Variants in CHST12 observed in about 807,000 individuals in gnomAD.
CHST12 encodes carbohydrate (chondroitin 4) sulfotransferase 12.
A neutral mutation model predicts 27.9 loss-of-function variants in CHST12; 23 were observed. The observed-to-expected ratio is 0.82, with a 90% confidence interval of 0.59 to 1.17. The LOEUF (loss-of-function observed/expected upper bound fraction) is 1.17. Among genes scored for constraint, CHST12 ranks in the 50% most tolerant of loss-of-function variants. The pLI, the probability that CHST12 is intolerant of heterozygous loss-of-function variation, is 0.00. For synonymous variants in CHST12, 322 were observed against 273.0 expected (o/e 1.18, Z -1.77); for missense variants, 682 against 603.0 (o/e 1.13, Z -1.37).
intron 1 of CHST12, among the ~76,000 whole-genome samples, chr7:2,412,025 G>C (rs1781680285): frequency 6.6e-6 from 1 of 152,098 alleles, no homozygotes; most frequent in South Asian, 2.1e-4. Flanking sequence ...GAAGAGAACA[G>C]GGTGAGCTGA....
At chr7:2,407,144 G>A (rs1368683207) in intron 1 of CHST12, among the ~76,000 whole-genome samples, 1 of 152,150 alleles carries the variant, frequency 6.6e-6, no homozygotes, top group African/African-American at 2.4e-5. Flanking sequence ...GGTGGCAAAT[G>A]AGAGAAAAAA....
rs369984076 is a variant in CHST12 at position 2,425,672 on chromosome 7, C to G, written c.-77-6891C>G. 2.7e-5 allele frequency among the ~76,000 whole-genome samples: 4 copies of G among 149,222 alleles called. No homozygotes were observed. The South Asian group carries it at 6.3e-4, about 23-fold the overall frequency. On this transcript the variant is annotated intron_variant, in intron 1 of 1. Coordinates refer to ENST00000618655, the MANE Select transcript of CHST12 (RefSeq NM_018641.5). ...CTGCAGATGTGTGTGTGTTCAAATG[C>G]AAAATAGCACTGCATTTGCTTTTTT... is the stretch of plus-strand genomic sequence containing the variant.
In CHST12 at chr7:2,433,346, A is replaced by G. The variant is rs1782357434; in HGVS notation, c.707A>G (p.Lys236Arg). 1.2e-6 allele frequency: 2 copies of G among 1,612,326 alleles called. No individual in the cohort carries two copies. Among genetic ancestry groups the G allele is most frequent in the Non-Finnish European group, 1.7e-6 (2 of 1,179,946 alleles). ...LSRHLMKVKL[K>R]KYTKFLFVRD... ...CGCCACCTCATGAAGGTCAAGCTCAAGAAGTACACCAAGTTCCTCTTCGTG... is the reference window on the plus strand; with the variant it reads ...CGCCACCTCATGAAGGTCAAGCTCAGGAAGTACACCAAGTTCCTCTTCGTG... Residue 236 changes from lysine to arginine, a missense_variant, in exon 2 of 2, where the codon AAG becomes AGG. By Grantham distance (26) the Lys-to-Arg change is conservative. Coordinates refer to ENST00000618655, the MANE Select transcript of CHST12 (RefSeq NM_018641.5). The surrounding 1 kb of genome is among the most constrained non-coding windows in gnomAD (Gnocchi z 6.1).
Position 2,422,306 on chromosome 7 carries a change from G to A in CHST12, c.-77-10257G>A, listed in dbSNP as rs1309531467. ...GTGGCCCAGGCTGGAGTGCAGTGGC[G>A]CCATCTCGGCTCACTGCAACCTCCG... On this transcript the variant is annotated intron_variant, in intron 1 of 1. Coordinates refer to ENST00000618655, the MANE Select transcript of CHST12 (RefSeq NM_018641.5). Among the ~76,000 whole-genome samples, 8 of 151,556 alleles carry A rather than the reference G, an allele frequency of 5.3e-5. No individual in the cohort carries two copies. In the South Asian group the frequency reaches 8.3e-4, roughly 16 times the overall value.
Position 2,403,630 on chromosome 7 carries a change from C to T in CHST12, c.-121C>T. The T allele has an allele frequency of 6.7e-6, 1 of 148,750 alleles. No individual in the cohort carries two copies. Among genetic ancestry groups the T allele is most frequent in the Non-Finnish European group, 1.5e-5 (1 of 67,438 alleles). The allele number at this position is 148,750 out of a possible 1,614,324, so 9.2% of individuals were successfully genotyped here. On this transcript the variant is annotated 5_prime_UTR_variant, in exon 1 of 2. Transcript: ENST00000618655. ...TCCGCTAGTCGCGGGGCGGCGGCGG[C>T]GGCTGCGGGCGCGAGGTGAGGGGCG...
intron 1 of CHST12, among the ~76,000 whole-genome samples, chr7:2,422,631 G>T (rs899544557): frequency 6.6e-6 from 1 of 151,820 alleles, no homozygotes; most frequent in African/African-American, 2.4e-5. Context: ...CGACTCCCGG[G>T]TTCAAGCGAT....
At chr7:2,407,382 A>C (rs1378602710) in intron 1 of CHST12, among the ~76,000 whole-genome samples, 1 of 152,100 alleles carries the variant, frequency 6.6e-6, no homozygotes, top group Non-Finnish European at 1.5e-5. Context: ...CAGGAGTTTG[A>C]GGCTGCAGTG....
intron 1 of CHST12, among the ~76,000 whole-genome samples, chr7:2,418,661 G>A (rs536367088): frequency 6.6e-6 from 1 of 152,330 alleles, no homozygotes; most frequent in East Asian, 1.9e-4. Flanking sequence ...CAGCCCAGCG[G>A]TTCTATCGGA....
chr7:2,408,362 C>CAAAAAAAAAAAAAAAAAAAAAAAAAAA, intron 1 of CHST12, among the ~76,000 whole-genome samples: 1 of 116,690 alleles, frequency 8.6e-6, no homozygotes, highest in Non-Finnish European at 1.7e-5. Context: ...GACTCCGTCT[C>CAAAAAAAAAAAAAAAAAAAAAAAAAAA]AAAAAAAAAA....
At chr7:2,409,099 T>C (rs941439637) in intron 1 of CHST12, among the ~76,000 whole-genome samples, 5 of 152,208 alleles carry the variant, frequency 3.3e-5, no homozygotes, top group African/African-American at 9.6e-5. Context: ...AATTATGGTG[T>C]ACTACAAGGC....
At position 2,446,392 on chromosome 7, in the gene CHST12, C is replaced by T. The variant is rs1261181218; in HGVS notation, c.*12508C>T. ...ACCCAGGCTCTGAGGAAAAACCTCTCCAGCCCAGCGCGTGGCCTGGCATTA... is the reference window on the plus strand; with the variant it reads ...ACCCAGGCTCTGAGGAAAAACCTCTTCAGCCCAGCGCGTGGCCTGGCATTA... On this transcript the variant is annotated 3_prime_UTR_variant, in exon 2 of 2. Coordinates refer to ENST00000618655, the MANE Select transcript of CHST12 (RefSeq NM_018641.5). 6.5e-6 allele frequency: 1 copy of T among 152,918 alleles called. No homozygotes were observed. The highest frequency in any genetic ancestry group is 2.1e-4 in the South Asian group (1 of 4,824). 9.5% of individuals were successfully genotyped at this position (152,918 alleles called of 1,614,324 possible). A position where few individuals can be genotyped will look rare whatever the true frequency, so the allele number is the denominator to read the frequency against.
intron 1 of CHST12, among the ~76,000 whole-genome samples, chr7:2,422,372 G>T (rs1457046385): frequency 6.6e-6 from 1 of 151,622 alleles, no homozygotes; most frequent in Non-Finnish European, 1.5e-5. Context: ...AGCCTCCCGA[G>T]TAGCTGGGAT....
intron 1 of CHST12, among the ~76,000 whole-genome samples, chr7:2,412,097 G>C (rs1012611439): frequency 1.3e-5 from 2 of 152,160 alleles, no homozygotes; most frequent in African/African-American, 4.8e-5. Context: ...GGCTAAGTTT[G>C]GGCTCAGTTT....
At chr7:2,424,715 G>C (rs1782063068) in intron 1 of CHST12, among the ~76,000 whole-genome samples, 1 of 152,182 alleles carries the variant, frequency 6.6e-6, no homozygotes, top group Non-Finnish European at 1.5e-5. Context: ...AAGCTGCAGA[G>C]GTCAAGCCTG....
rs577438892 is a variant in CHST12 at position 2,432,684 on chromosome 7, G to A, written c.45G>A (p.Ser15=). The A allele has an allele frequency of 6.8e-6, 11 of 1,613,310 alleles. No homozygotes were observed. In the East Asian group the frequency reaches 1.3e-4, roughly 20 times the overall value. The change falls in exon 2 of 2, where the codon TCG becomes TCA. Residue 15 remains serine, a synonymous_variant. Transcript: ENST00000618655. Reference sequence around the variant, plus strand: ...TCCGGCTGTGGCTGGTGCTGGGGTCGGTGTTCATGATCCTGCTGATCATCG... The same window carrying A: ...TCCGGCTGTGGCTGGTGCTGGGGTCAGTGTTCATGATCCTGCTGATCATCG... ...RLFRLWLVLG[S]VFMILLIIVY... is the part of the protein sequence containing the mutation.
In CHST12 at chr7:2,443,422, A is replaced by G. The variant is rs1176521018; in HGVS notation, c.*9538A>G. 1 of 152,172 alleles carries G rather than the reference A, an allele frequency of 6.6e-6. No homozygotes were observed. The highest frequency in any genetic ancestry group is 1.5e-5 in the Non-Finnish European group (1 of 68,068). The allele number at this position is 152,172 out of a possible 1,614,324, so 9.4% of individuals were successfully genotyped here. On this transcript the variant is annotated 3_prime_UTR_variant, in exon 2 of 2. Transcript: ENST00000618655. ...GCCTGAAGTGAAACAGTTTCATCCC[A>G]AAAGCATATACCTCTGCCCCATCCA...
chr7:2,421,188 G>A (rs1354502936), intron 1 of CHST12, among the ~76,000 whole-genome samples: 1 of 149,036 alleles, frequency 6.7e-6, no homozygotes, highest in Non-Finnish European at 1.5e-5. Context: ...CTCCTGAGTA[G>A]CTGGGACTGT....
At chr7:2,422,425 G>A (rs1041946406) in intron 1 of CHST12, among the ~76,000 whole-genome samples, 1 of 151,498 alleles carries the variant, frequency 6.6e-6, no homozygotes, top group Non-Finnish European at 1.5e-5. Flanking sequence ...TGTATTTTTA[G>A]TAGAGACAGG....
Position 2,434,289 on chromosome 7 carries a change from CA to C in CHST12, c.*408del, listed in dbSNP as rs1158976782. On this transcript the variant is annotated 3_prime_UTR_variant, in exon 2 of 2. Coordinates refer to ENST00000618655, the MANE Select transcript of CHST12 (RefSeq NM_018641.5). ...TGTCTGTTTTTGGAAGGGTAGCCGA[CA>C]AATCCTTCCAGAGGGAAAGTTCTTT... 10 of 177,134 alleles carry C rather than the reference CA, an allele frequency of 5.6e-5. No homozygotes were observed. Among genetic ancestry groups the C allele is most frequent in the Non-Finnish European group, 1.3e-4 (10 of 74,440 alleles). 11.0% of individuals were successfully genotyped at this position (177,134 alleles called of 1,614,324 possible).
Sources: allele counts gnomAD v4.1 joint callset (sites outside exome capture counted in the v4.1 genomes callset), GRCh38; gene constraint gnomAD v4.1.1; non-coding constraint Gnocchi (gnomAD v3.1); transcripts MANE v1.5; gene names NCBI Gene and HGNC (gene_info 2026-07-23, HGNC 2026-07-21).